The following LYRM4 variants were observed in gnomAD, a reference collection of about 807,000 sequenced individuals.
LYRM4 encodes LYR motif containing 4.
A neutral mutation model predicts 11.7 loss-of-function variants in LYRM4; 9 were observed. The observed-to-expected ratio is 0.77, with a 90% CI of 0.46 to 1.34. The LOEUF is 1.34. Ranked by LOEUF, LYRM4 falls within the 40% of genes most tolerant of loss-of-function variation. The probability of loss-of-function intolerance (pLI) is 0.00; values close to 1 mark genes in which losing one functional copy is unlikely to be tolerated. For synonymous variants in LYRM4, 42 were observed against 40.4 expected, an observed-to-expected ratio of 1.04 and a Z score of -0.15; for missense variants, 133 against 112.5, an observed-to-expected ratio of 1.18 and a Z score of -0.82.
intron 2 of LYRM4, among the ~76,000 whole-genome samples, chr6:5,185,420 A>C (rs779785932): frequency 8.5e-5 from 13 of 152,136 alleles, no homozygotes; most frequent in African/African-American, 3.1e-4. Flanking sequence ...CATACCAACA[A>C]ATCTTGGGAA....
At chr6:5,082,980 C>G in the LYRM4 span, among the ~76,000 whole-genome samples, 1 of 152,242 alleles carries the variant, frequency 6.6e-6, no homozygotes, top group Admixed American at 6.5e-5. Context: ...ACCTTCTCAG[C>G]ATTGGCCACA....
At chr6:5,082,157 G>A in the LYRM4 span, among the ~76,000 whole-genome samples, 1 of 152,196 alleles carries the variant, frequency 6.6e-6, no homozygotes, top group Non-Finnish European at 1.5e-5. Context: ...CTAATTTGTA[G>A]CTGGAGGGGC....
intron 1 of LYRM4, among the ~76,000 whole-genome samples, chr6:5,223,429 C>G (rs1266678983): frequency 6.6e-6 from 1 of 152,174 alleles, no homozygotes; most frequent in Non-Finnish European, 1.5e-5. Context: ...AGTGGCAGAG[C>G]TGGGTTCTGA....
At chr6:5,199,150 G>T (rs138630531) in intron 2 of LYRM4, among the ~76,000 whole-genome samples, 1 of 152,232 alleles carries the variant, frequency 6.6e-6, no homozygotes, top group Non-Finnish European at 1.5e-5. Flanking sequence ...AAGTGGGGAT[G>T]ACCCAAATGT....
downstream of LYRM4, among the ~76,000 whole-genome samples, chr6:5,099,743 C>T (rs1489900734): frequency 6.6e-6 from 1 of 152,142 alleles, no homozygotes; most frequent in African/African-American, 2.4e-5. The surrounding 1 kb of genome is among the most constrained non-coding windows in gnomAD (Gnocchi z 4.3). Flanking sequence ...GCACCTGGCA[C>T]ATCACTCCTA....
chr6:5,219,838 T>C (rs1201706942), intron 1 of LYRM4, among the ~76,000 whole-genome samples: 1 of 152,174 alleles, frequency 6.6e-6, no homozygotes, highest in African/African-American at 2.4e-5. Flanking sequence ...AGCTAGGTGC[T>C]ACACAATGCT....
At chr6:5,170,142 G>A (rs1759338950) in intron 2 of LYRM4, among the ~76,000 whole-genome samples, 1 of 152,166 alleles carries the variant, frequency 6.6e-6, no homozygotes, top group Non-Finnish European at 1.5e-5. Context: ...TGGCATCTTT[G>A]GATGCCAAAG....
intron 2 of LYRM4, among the ~76,000 whole-genome samples, chr6:5,168,811 G>A (rs1038726828): frequency 6.6e-6 from 1 of 152,140 alleles, no homozygotes; most frequent in African/African-American, 2.4e-5. Flanking sequence ...CTTAGGAGAC[G>A]TATGTTGAAG....
intron 1 of LYRM4, among the ~76,000 whole-genome samples, chr6:5,237,982 G>T (rs1237639420): frequency 6.6e-6 from 1 of 152,208 alleles, no homozygotes; most frequent in East Asian, 1.9e-4. Context: ...TACTAATCAT[G>T]GTCCTCTCCC....
intron 2 of LYRM4, among the ~76,000 whole-genome samples, chr6:5,174,397 G>A (rs1001779992): frequency 6.6e-6 from 1 of 152,298 alleles, no homozygotes; most frequent in East Asian, 1.9e-4. Flanking sequence ...AGGACTATAT[G>A]CATCTGTCCT....
the LYRM4 span, among the ~76,000 whole-genome samples, chr6:5,089,677 T>C: frequency 6.6e-6 from 1 of 152,218 alleles, no homozygotes; most frequent in Non-Finnish European, 1.5e-5. Context: ...ATAATGAGCA[T>C]CCAGTATGGC....
the LYRM4 span, among the ~76,000 whole-genome samples, chr6:5,075,858 G>C: frequency 6.6e-6 from 1 of 152,100 alleles, no homozygotes; most frequent in Middle Eastern, 3.4e-3. Context: ...CAGTATAAAA[G>C]GATCTGGAAT....
intron 1 of LYRM4, among the ~76,000 whole-genome samples, chr6:5,222,425 C>T (rs1762631678): frequency 6.6e-6 from 1 of 152,026 alleles, no homozygotes; most frequent in Non-Finnish European, 1.5e-5. Flanking sequence ...AGCATTATGC[C>T]AGGAGCTGGG....
At chr6:5,187,129 C>A (rs911496745) in intron 2 of LYRM4, 62 of 655,922 alleles carry the variant, frequency 9.5e-5, no homozygotes, top group Non-Finnish European at 1.1e-4. Flanking sequence ...GCTAATAGCA[C>A]AAAATATTCT....
At chr6:5,245,585 C>T (rs1037570134) in intron 1 of LYRM4, among the ~76,000 whole-genome samples, 2 of 152,190 alleles carry the variant, frequency 1.3e-5, no homozygotes, top group Non-Finnish European at 2.9e-5. Flanking sequence ...TACACACAGA[C>T]TTGTGCACCC....
chr6:5,033,760 T>G, the LYRM4 span: 1 of 152,340 alleles, frequency 6.6e-6, no homozygotes, highest in Non-Finnish European at 1.5e-5. Flanking sequence ...AGCCTCTCCA[T>G]CTTCGTCTCC....
chr6:5,222,707 T>C (rs112260822), intron 1 of LYRM4, among the ~76,000 whole-genome samples: 53 of 128,216 alleles, frequency 4.1e-4, no homozygotes, highest in Middle Eastern at 4.8e-3. Context: ...TAAAGTAAAT[T>C]AAAAAAAAGT....
At chr6:5,231,053 G>A (rs1309987094) in intron 1 of LYRM4, among the ~76,000 whole-genome samples, 4 of 152,176 alleles carry the variant, frequency 2.6e-5, no homozygotes, top group Non-Finnish European at 5.9e-5. Context: ...AAGGTAGATG[G>A]ATCATTTGAG....
At chr6:5,139,415 C>A (rs1224085061) in intron 2 of LYRM4, among the ~76,000 whole-genome samples, 1 of 152,200 alleles carries the variant, frequency 6.6e-6, no homozygotes, top group East Asian at 1.9e-4. Flanking sequence ...CAAATACAAA[C>A]TGGAGTAGGA....
Sources: gnomAD v4.1 joint callset for allele counts (sites outside exome capture counted in the v4.1 genomes callset) on GRCh38, gnomAD v4.1.1 for gene constraint, Gnocchi (gnomAD v3.1) non-coding constraint, MANE v1.5 for transcripts, NCBI Gene and HGNC (gene_info 2026-07-23, HGNC 2026-07-21) for gene names.